Variants in GRIK3 observed in about 807,000 individuals in gnomAD.
GRIK3 encodes the protein glutamate ionotropic receptor kainate type subunit 3.
GRIK3 carries 29 observed loss-of-function variants against 102.5 expected under a neutral mutation model. That is an observed-to-expected ratio of 0.28 (90% CI 0.21 to 0.39). The LOEUF is 0.39. GRIK3 is among the 10% of genes least tolerant of loss of function. GRIK3 has a pLI of 1.00. For missense variants in GRIK3, 908 were observed against 1,252.4 expected (o/e 0.73, Z 4.15); for synonymous variants, 511 against 504.9 (o/e 1.01, Z -0.16).
At chr1:36,854,241 C>T (rs1640622613) in intron 7 of GRIK3, among the ~76,000 whole-genome samples, 1 of 152,212 alleles carries the variant, frequency 6.6e-6, no homozygotes, top group South Asian at 2.1e-4. Flanking sequence ...CTGGGTCCAA[C>T]CACAATTAGC....
intron 1 of GRIK3, among the ~76,000 whole-genome samples, chr1:37,017,274 C>T (rs1390239196): frequency 1.4e-5 from 2 of 145,482 alleles, no homozygotes; most frequent in African/African-American, 5.1e-5. Flanking sequence ...TGGCTCACAC[C>T]TGTAATTCCA....
intron 1 of GRIK3, among the ~76,000 whole-genome samples, chr1:36,966,392 A>C (rs1005769529): frequency 6.6e-6 from 1 of 152,220 alleles, no homozygotes; most frequent in Admixed American, 6.5e-5. Flanking sequence ...TCATCAGAGC[A>C]GTCAAGCTTG....
At chr1:36,935,885 T>C (rs1215211669) in intron 1 of GRIK3, among the ~76,000 whole-genome samples, 1 of 152,134 alleles carries the variant, frequency 6.6e-6, no homozygotes, top group Non-Finnish European at 1.5e-5. Context: ...AAATTGATGG[T>C]GCGCTTGAAG....
intron 13 of GRIK3, among the ~76,000 whole-genome samples, chr1:36,807,492 C>T (rs1247766479): frequency 6.6e-6 from 1 of 152,198 alleles, no homozygotes; most frequent in Non-Finnish European, 1.5e-5. Flanking sequence ...GCACCCGGCC[C>T]AGCTCCAGTA....
intron 10 of GRIK3, among the ~76,000 whole-genome samples, chr1:36,837,141 C>T (rs534064548): frequency 6.6e-6 from 1 of 152,194 alleles, no homozygotes; most frequent in East Asian, 1.9e-4. Context: ...CATCTCTGCT[C>T]TCCCTGAGCA....
intron 13 of GRIK3, among the ~76,000 whole-genome samples, chr1:36,816,461 C>G (rs2124188700): frequency 6.6e-6 from 1 of 152,338 alleles, no homozygotes; most frequent in East Asian, 1.9e-4. Context: ...CTCAGCAACA[C>G]TTCACAGAGC....
intron 1 of GRIK3, among the ~76,000 whole-genome samples, chr1:36,953,120 C>T (rs1641864882): frequency 6.6e-6 from 1 of 152,154 alleles, no homozygotes. Flanking sequence ...TGTTGGGCTC[C>T]ATGTCTGTGC....
At chr1:36,949,925 C>G (rs779511344) in intron 1 of GRIK3, among the ~76,000 whole-genome samples, 1 of 152,082 alleles carries the variant, frequency 6.6e-6, no homozygotes, top group East Asian at 1.9e-4. Flanking sequence ...AGAGAAGAAA[C>G]AGAGGCACAG....
At position 36,882,807 on chromosome 1, in the gene GRIK3, C is replaced by T. The variant is rs116635430; in HGVS notation, c.293-1916G>A. On this transcript the variant is annotated intron_variant, in intron 2 of 15. Coordinates refer to ENST00000373091, the MANE Select transcript of GRIK3 (RefSeq NM_000831.4). ...GTGAACATAGTCAGTGTGGGTTGAG[C>T]AGAGCCAAGAGAGAGAAAACACAGG... is the stretch of plus-strand genomic sequence containing the variant. 3.9e-3 allele frequency among the ~76,000 whole-genome samples: 598 copies of T among 152,308 alleles called. 5 individuals are homozygous for T. The highest frequency in any genetic ancestry group is 0.014 in the African/African-American group (578 of 41,550).
chr1:36,802,303 G>A (rs555142192), intron 15 of GRIK3, among the ~76,000 whole-genome samples: 1 of 152,254 alleles, frequency 6.6e-6, no homozygotes, highest in South Asian at 2.1e-4. Flanking sequence ...AGCAAACTGA[G>A]GTTCTGAATG....
intron 2 of GRIK3, among the ~76,000 whole-genome samples, chr1:36,886,123 A>G (rs1557713930): frequency 6.6e-6 from 1 of 152,200 alleles, no homozygotes; most frequent in Non-Finnish European, 1.5e-5. Flanking sequence ...GAAGTCACTC[A>G]TCTTTTAATT....
chr1:36,853,758 G>A (rs1278274049), intron 7 of GRIK3, 36 bp from the exon 8 acceptor site: 1 of 1,155,612 alleles, frequency 8.7e-7, no homozygotes, highest in African/African-American at 1.5e-5. Context: ...CAATTCCTCG[G>A]GCTTATAAAT....
chr1:36,951,961 T>C (rs1028493125), intron 1 of GRIK3, among the ~76,000 whole-genome samples: 4 of 152,080 alleles, frequency 2.6e-5, no homozygotes, highest in Non-Finnish European at 5.9e-5. Flanking sequence ...GGGTTCTGTC[T>C]TGTGGGGAGG....
chr1:36,929,098 G>T (rs1347715734), intron 1 of GRIK3, among the ~76,000 whole-genome samples: 2 of 152,160 alleles, frequency 1.3e-5, no homozygotes, highest in Admixed American at 6.5e-5. Flanking sequence ...TCATAGAGGG[G>T]TGAAGAAACC....
chr1:36,803,737 C>A (rs982641157), intron 15 of GRIK3, among the ~76,000 whole-genome samples: 3 of 152,162 alleles, frequency 2.0e-5, no homozygotes, highest in African/African-American at 7.2e-5. Flanking sequence ...CTGGGAGCTC[C>A]TTTTAACTGT....
intron 1 of GRIK3, among the ~76,000 whole-genome samples, chr1:37,015,877 C>T (rs911433493): frequency 6.6e-5 from 10 of 152,230 alleles, no homozygotes; most frequent in African/African-American, 1.7e-4. Flanking sequence ...CTACAGGGAG[C>T]GAACAAGGAC....
At chr1:36,873,121 G>A (rs1224008226) in intron 3 of GRIK3, among the ~76,000 whole-genome samples, 3 of 152,096 alleles carry the variant, frequency 2.0e-5, no homozygotes, top group Non-Finnish European at 4.4e-5. Context: ...GCCTCCTCTG[G>A]CCCCACCTCA....
At chr1:36,820,277 G>T (rs1642681902) in intron 11 of GRIK3, among the ~76,000 whole-genome samples, 1 of 152,212 alleles carries the variant, frequency 6.6e-6, no homozygotes, top group African/African-American at 2.4e-5. Context: ...GAAATATTAT[G>T]CAGCTGTTAA....
intron 1 of GRIK3, among the ~76,000 whole-genome samples, chr1:37,003,208 C>T (rs1430081906): frequency 1.3e-5 from 2 of 151,878 alleles, no homozygotes; most frequent in African/African-American, 2.4e-5. Flanking sequence ...TATAAACTTT[C>T]TAGTTTATAT....
Sources: gnomAD v4.1 joint callset for allele counts (sites outside exome capture counted in the v4.1 genomes callset) on GRCh38, gnomAD v4.1.1 for gene constraint, MANE v1.5 for transcripts, NCBI Gene and HGNC (gene_info 2026-07-23, HGNC 2026-07-21) for gene names.